Variants in HHAT observed in about 807,000 individuals in gnomAD.
HHAT encodes hedgehog acyltransferase.
Under a neutral mutation model 70.8 loss-of-function variants are expected in HHAT, and 47 were observed. That is an observed-to-expected ratio of 0.66 (90% CI 0.53 to 0.85). HHAT has a LOEUF of 0.85. Ranked by LOEUF, HHAT falls within the 40% of genes least tolerant of loss-of-function variation. The probability of loss-of-function intolerance (pLI) is 0.00; values close to 1 mark genes in which losing one functional copy is unlikely to be tolerated. For missense variants in HHAT, 609 were observed against 604.8 expected, an observed-to-expected ratio of 1.01 and a Z score of -0.07; for synonymous variants, 228 against 247.6, an observed-to-expected ratio of 0.92 and a Z score of 0.74.
At chr1:210,544,233 T>C (rs1360694125) in intron 9 of HHAT, among the ~76,000 whole-genome samples, 1 of 152,238 alleles carries the variant, frequency 6.6e-6, no homozygotes, top group Non-Finnish European at 1.5e-5. Context: ...GCTGGTGATA[T>C]GTACAGTTTT....
chr1:210,362,140 A>G (rs1003214827), intron 2 of HHAT, among the ~76,000 whole-genome samples: 3 of 152,078 alleles, frequency 2.0e-5, no homozygotes, highest in African/African-American at 7.2e-5. Flanking sequence ...AAACATGCTC[A>G]TTACCATTAT....
chr1:210,412,103 T>C (rs1182557212), intron 6 of HHAT, among the ~76,000 whole-genome samples: 1 of 152,142 alleles, frequency 6.6e-6, no homozygotes, highest in Non-Finnish European at 1.5e-5. Flanking sequence ...GTCTAACTCT[T>C]TGGCGTCTCT....
At chr1:210,640,251 CA>C (rs1348959887) in intron 11 of HHAT, among the ~76,000 whole-genome samples, 1 of 152,196 alleles carries the variant, frequency 6.6e-6, no homozygotes, top group African/African-American at 2.4e-5. Flanking sequence ...GTAGATACTA[CA>C]AACTAACTTA....
At chr1:210,652,127 C>G (rs1003964950) in intron 11 of HHAT, among the ~76,000 whole-genome samples, 1 of 152,034 alleles carries the variant, frequency 6.6e-6, no homozygotes, top group Non-Finnish European at 1.5e-5. Context: ...TTGCCCACCC[C>G]AAGTAGTATT....
intron 5 of HHAT, 117 bp from the exon 6 acceptor site, chr1:210,404,347 C>T (rs2092233170): frequency 1.3e-6 from 1 of 753,482 alleles, no homozygotes; most frequent in Non-Finnish European, 2.2e-6. Context: ...AAATTGCCTT[C>T]CCAGAGCCCC....
intron 11 of HHAT, among the ~76,000 whole-genome samples, chr1:210,668,396 G>T (rs994572963): frequency 6.6e-6 from 1 of 152,148 alleles, no homozygotes; most frequent in African/African-American, 2.4e-5. Flanking sequence ...GGAAGGACCC[G>T]GTGGGAGGTA....
chr1:210,645,827 G>A (rs764247981), intron 11 of HHAT, among the ~76,000 whole-genome samples: 16 of 152,154 alleles, frequency 1.1e-4, no homozygotes, highest in Non-Finnish European at 1.5e-4. Context: ...GACTTGTAGT[G>A]GTTCATGCAC....
At chr1:210,658,186 G>A (rs1032683603) in intron 11 of HHAT, among the ~76,000 whole-genome samples, 27 of 152,140 alleles carry the variant, frequency 1.8e-4, no homozygotes, top group African/African-American at 5.8e-4. Flanking sequence ...CTTATGTTCC[G>A]GCCCACATGC....
At chr1:210,400,392 T>G in intron 4 of HHAT, 76 bp from the exon 5 acceptor site, 225 of 1,317,748 alleles carry the variant, frequency 1.7e-4, no homozygotes, top group Non-Finnish European at 2.1e-4. Flanking sequence ...ATCACTTCCA[T>G]GAGCTCACTT....
At chr1:210,348,818 C>A in intron 1 of HHAT, 115 bp from the exon 2 acceptor site, 1 of 1,040,672 alleles carries the variant, frequency 9.6e-7, no homozygotes, top group Non-Finnish European at 1.3e-6. Context: ...GGGGTTATGT[C>A]TGTATCACCT....
At chr1:210,566,966 G>A (rs1308809980) in intron 9 of HHAT, among the ~76,000 whole-genome samples, 1 of 152,216 alleles carries the variant, frequency 6.6e-6, no homozygotes, top group East Asian at 1.9e-4. Flanking sequence ...GCCCATTTGG[G>A]CTTTGGGAGT....
At chr1:210,358,439 T>C (rs2087887464) in intron 2 of HHAT, among the ~76,000 whole-genome samples, 1 of 152,208 alleles carries the variant, frequency 6.6e-6, no homozygotes, top group Admixed American at 6.5e-5. Flanking sequence ...CTAAATCACT[T>C]TTTTATTCCT....
chr1:210,427,965 C>CT (rs2093118057), intron 7 of HHAT, among the ~76,000 whole-genome samples: 1 of 151,942 alleles, frequency 6.6e-6, no homozygotes, highest in African/African-American at 2.4e-5. Context: ...TTTTATGAAT[C>CT]TGGGTGCTCC....
chr1:210,493,909 T>C (rs1232976727), intron 8 of HHAT, among the ~76,000 whole-genome samples: 27 of 152,202 alleles, frequency 1.8e-4, no homozygotes, highest in Admixed American at 1.8e-3. Context: ...TCATCAGACA[T>C]GTCTTTCTTT....
intron 1 of HHAT, among the ~76,000 whole-genome samples, chr1:210,335,296 C>A (rs2085376327): frequency 7.1e-6 from 1 of 141,120 alleles, no homozygotes; most frequent in African/African-American, 2.7e-5. Context: ...GTATTTGATA[C>A]AACTCAGCAC....
intron 7 of HHAT, among the ~76,000 whole-genome samples, chr1:210,459,672 C>T (rs936844544): frequency 3.9e-5 from 6 of 152,228 alleles, no homozygotes; most frequent in Admixed American, 3.9e-4. Context: ...CACCCCAACT[C>T]TCCTTTTAAA....
chr1:210,477,662 G>C lies in HHAT; in HGVS notation c.1007+13007G>C, dbSNP rs2094325343. Among the ~76,000 whole-genome samples the C allele has an allele frequency of 2.0e-5, 3 of 152,234 alleles. No individual in the cohort carries two copies. In the South Asian group the frequency reaches 6.2e-4, roughly 32 times the overall value. On this transcript the variant is annotated intron_variant, in intron 8 of 11. Transcript: ENST00000261458. The stretch of plus-strand genomic sequence containing the variant: ...ATTTCTGGGAAACTTGCTAGCTGCA[G>C]GCTACAGAGGATTTGCTAAGAAGTT...
Position 210,622,148 on chromosome 1 carries a change from T to C in HHAT, c.1246-1378T>C, listed in dbSNP as rs374262634. Reference sequence around the variant, plus strand: ...GACTCGCCCTCCAATTTAGTCCTTTTTGCCTGTCATGAATTGCATCGGCTG... The same window carrying C: ...GACTCGCCCTCCAATTTAGTCCTTTCTGCCTGTCATGAATTGCATCGGCTG... On this transcript the variant is annotated intron_variant, in intron 10 of 11. Coordinates refer to ENST00000261458, the MANE Select transcript of HHAT (RefSeq NM_018194.6). Among the ~76,000 whole-genome samples the C allele has an allele frequency of 2.0e-5, 3 of 152,320 alleles. No homozygotes were observed. The East Asian group carries it at 5.8e-4, about 29-fold the overall frequency.
chr1:210,342,873 A>G (rs1365035896), intron 1 of HHAT, among the ~76,000 whole-genome samples: 3 of 152,180 alleles, frequency 2.0e-5, no homozygotes, highest in Non-Finnish European at 2.9e-5. Flanking sequence ...ACATTGTGTC[A>G]TAAATCCCTT....
Sources: allele counts gnomAD v4.1 joint callset (sites outside exome capture counted in the v4.1 genomes callset), GRCh38; gene constraint gnomAD v4.1.1; transcripts MANE v1.5; gene names NCBI Gene and HGNC (gene_info 2026-07-23, HGNC 2026-07-21).